LRIT3: variants seen among roughly 807,000 people sequenced by gnomAD.
LRIT3 encodes leucine rich repeat, Ig-like and transmembrane domains 3.
A neutral mutation model predicts 22.6 loss-of-function variants in LRIT3; 14 were observed. The observed-to-expected ratio is 0.62, with a 90% confidence interval of 0.41 to 0.97. LRIT3 has a LOEUF of 0.97. Ranked by LOEUF, LRIT3 falls within the 50% of genes least tolerant of loss-of-function variation. The pLI is 0.00. For synonymous variants in LRIT3, 306 were observed against 304.5 expected, an observed-to-expected ratio of 1.01 and a Z score of -0.05; for missense variants, 783 against 803.0, an observed-to-expected ratio of 0.98 and a Z score of 0.30.
At chr4:109,852,599 T>C (rs1734300385) in intron 2 of LRIT3, among the ~76,000 whole-genome samples, 1 of 152,164 alleles carries the variant, frequency 6.6e-6, no homozygotes, top group South Asian at 2.1e-4. Context: ...TCTCTGGTTC[T>C]TTTTATTATT....
rs777683076 is a variant in LRIT3 at position 109,870,689 on chromosome 4, ACAGGGATGACT to A, written c.1944_1954del (p.Asp649GlufsTer7). 6.2e-7 allele frequency: 1 copy of A among 1,614,154 alleles called. No individual in the cohort carries two copies. The highest frequency in any genetic ancestry group is 8.5e-7 in the Non-Finnish European group (1 of 1,179,998). Reference sequence around the variant, plus strand: ...GTAGGTGAGCTCTGGACACGAAGCCACAGGGATGACTCAGAGAAATTGCTGCTTTGTTCTAG... The same window carrying A: ...GTAGGTGAGCTCTGGACACGAAGCCACAGAGAAATTGCTGCTTTGTTCTAG... On this transcript the variant is annotated frameshift_variant, in exon 4 of 4. Coordinates refer to ENST00000594814, the MANE Select transcript of LRIT3 (RefSeq NM_198506.5). LOFTEE classifies it low-confidence loss of function (END_TRUNC).
At position 109,867,781 on chromosome 4, in the gene LRIT3, C is replaced by T. The variant is rs375217997; in HGVS notation, c.730C>T (p.Gln244Ter). The change falls in exon 3 of 4, where the codon CAG becomes TAG. Residue 244 changes from glutamine (Q) to a stop codon, truncating the protein, a stop_gained. Coordinates refer to ENST00000594814, the MANE Select transcript of LRIT3 (RefSeq NM_198506.5). LOFTEE classifies it high-confidence loss of function. ...EPERLTGILF[Q>*]RAELEHCLKP... Reference sequence around the variant, plus strand: ...TGAGCGCCTCACAGGAATTTTGTTTCAGCGGGCTGAATTGGAGCATTGTCT... The same window carrying T: ...TGAGCGCCTCACAGGAATTTTGTTTTAGCGGGCTGAATTGGAGCATTGTCT... 40 of 1,614,058 alleles carry T rather than the reference C, an allele frequency of 2.5e-5. No individual in the cohort carries two copies. Among genetic ancestry groups the T allele is most frequent in the Non-Finnish European group, 3.3e-5 (39 of 1,180,026 alleles).
intron 1 of LRIT3, among the ~76,000 whole-genome samples, chr4:109,850,163 G>A (rs1734173903): frequency 1.3e-5 from 2 of 151,916 alleles, no homozygotes; most frequent in African/African-American, 4.8e-5. Flanking sequence ...TTCACTAAAG[G>A]GTTATTTTAT....
rs112910172 is a variant in LRIT3, at chr4:109,851,413, G to A, written c.117-91G>A. On this transcript the variant is annotated intron_variant, in intron 1 of 3. Coordinates refer to ENST00000594814, the MANE Select transcript of LRIT3 (RefSeq NM_198506.5). The stretch of plus-strand genomic sequence containing the variant: ...TACAGGCGTGAGCCACTGCCCAGCT[G>A]AAAATTGATACATTTTTCAAATGAG... The A allele has an allele frequency of 3.0e-3, 4,328 of 1,454,796 alleles. 77 individuals are homozygous for A. The African/African-American group carries it at 0.047, about 16-fold the overall frequency. 90.1% of individuals were successfully genotyped at this position (1,454,796 alleles called of 1,614,324 possible). A position where few individuals can be genotyped will look rare whatever the true frequency, so the allele number is the denominator to read the frequency against.
At chr4:109,861,134 G>A (rs535212271) in intron 2 of LRIT3, among the ~76,000 whole-genome samples, 56 of 152,200 alleles carry the variant, frequency 3.7e-4, no homozygotes, top group African/African-American at 1.2e-3. Flanking sequence ...TTTGGGAGGC[G>A]AAGGCAGGCA....
chr4:109,858,588 A>G (rs1734460759), intron 2 of LRIT3, among the ~76,000 whole-genome samples: 1 of 152,122 alleles, frequency 6.6e-6, no homozygotes. Flanking sequence ...ATTAGATTGA[A>G]CATCTTTCCA....
Position 109,851,663 on chromosome 4 carries a change from C to T in LRIT3, c.276C>T (p.Ser92=), listed in dbSNP as rs772346460. Residue 92 remains serine (S), a synonymous_variant, in exon 2 of 4, where the codon TCC becomes TCT. Coordinates refer to ENST00000594814, the MANE Select transcript of LRIT3 (RefSeq NM_198506.5). ...AGTATCTCTGGGTGACTTACAATTC[C>T]GTGGCCAGCATTGACCCCAGCAGCT... ...ELQYLWVTYN[S]VASIDPSSFY... 28 of 1,551,558 alleles carry T rather than the reference C, an allele frequency of 1.8e-5. No homozygotes were observed. In the South Asian group the frequency reaches 1.9e-4, roughly 11 times the overall value.
intron 1 of LRIT3, chr4:109,851,253 A>G (rs1453233717): frequency 4.3e-6 from 2 of 462,516 alleles, no homozygotes; most frequent in Non-Finnish European, 7.7e-6. Context: ...TTAATCATCC[A>G]TAACAGTGCC....
At chr4:109,848,787 G>T (rs1003617677) in intron 1 of LRIT3, among the ~76,000 whole-genome samples, 7 of 152,188 alleles carry the variant, frequency 4.6e-5, no homozygotes, top group African/African-American at 1.7e-4. Flanking sequence ...TGAAGTTAGA[G>T]AGGTTAATAG....
At position 109,867,645 on chromosome 4, in the gene LRIT3, A is replaced by G. The variant is rs781306561; in HGVS notation, c.594A>G (p.Leu198=). The G allele has an allele frequency of 6.8e-6, 11 of 1,613,082 alleles. No individual in the cohort carries two copies. In the Admixed American group the frequency reaches 1.5e-4, roughly 22 times the overall value. The change falls in exon 3 of 4, where the codon CTA becomes CTG. Residue 198 remains leucine, a synonymous_variant. Coordinates refer to ENST00000594814, the MANE Select transcript of LRIT3 (RefSeq NM_198506.5). ...CTTTCCCACCTTCTGTTTTAGGTCTACAGGACAATCCTTGGTTCTGTGACT... is the reference window on the plus strand; with the variant it reads ...CTTTCCCACCTTCTGTTTTAGGTCTGCAGGACAATCCTTGGTTCTGTGACT... The part of the protein sequence containing the change: ...DLSPSRIILG[L]QDNPWFCDCH...
intron 2 of LRIT3, among the ~76,000 whole-genome samples, chr4:109,862,117 CTT>C: frequency 6.6e-6 from 1 of 152,320 alleles, no homozygotes; most frequent in African/African-American, 2.4e-5. Flanking sequence ...TAGGCATAGT[CTT>C]TGCCTTCAAG....
chr4:109,859,965 C>T (rs1451125260), intron 2 of LRIT3, among the ~76,000 whole-genome samples: 1 of 152,202 alleles, frequency 6.6e-6, no homozygotes, highest in Non-Finnish European at 1.5e-5. Flanking sequence ...ATTACTCTTT[C>T]TCTTCTACAG....
chr4:109,853,344 C>T (rs1023837157), intron 2 of LRIT3, among the ~76,000 whole-genome samples: 1 of 151,934 alleles, frequency 6.6e-6, no homozygotes, highest in Non-Finnish European at 1.5e-5. Flanking sequence ...TGATGATGAG[C>T]TTTTTTTTCA....
At chr4:109,867,507 G>T (rs1734711233) in intron 2 of LRIT3, 134 bp from the exon 3 acceptor site, 1 of 740,676 alleles carries the variant, frequency 1.4e-6, no homozygotes, top group Non-Finnish European at 2.2e-6. Context: ...CTGACATAAA[G>T]GTGACTCTGC....
chr4:109,869,192 T>C (rs1560595574), intron 3 of LRIT3, among the ~76,000 whole-genome samples: 1 of 152,176 alleles, frequency 6.6e-6, no homozygotes, highest in East Asian at 1.9e-4. Flanking sequence ...CATGAAAACA[T>C]ATAATAAGAA....
rs1399389910 is a variant in LRIT3 at position 109,867,759 on chromosome 4, G to T, written c.708G>T (p.Glu236Asp). 1.2e-6 allele frequency: 2 copies of T among 1,614,186 alleles called. No individual in the cohort carries two copies. The highest frequency in any genetic ancestry group is 3.3e-5 in the Admixed American group (2 of 60,024). The change falls in exon 3 of 4, where the codon GAG (glutamate) becomes GAT (aspartate). Residue 236 changes from glutamate (E) to aspartate (D), a missense_variant. By Grantham distance (45) the Glu-to-Asp change is conservative (BLOSUM62 2). Around this residue, in one of 2 missense-constraint regions of LRIT3, gnomAD observed 756 missense variants for 753.8 expected, o/e 1.00. Coordinates refer to ENST00000594814, the MANE Select transcript of LRIT3 (RefSeq NM_198506.5). The part of the protein sequence containing the change: ...LDPLMTCSEP[E>D]RLTGILFQRA... Reference sequence around the variant, plus strand: ...CACTGATGACTTGCAGTGAACCTGAGCGCCTCACAGGAATTTTGTTTCAGC... The same window carrying T: ...CACTGATGACTTGCAGTGAACCTGATCGCCTCACAGGAATTTTGTTTCAGC...
intron 3 of LRIT3, among the ~76,000 whole-genome samples, chr4:109,868,551 T>TA (rs11387409): frequency 0.17 from 21,156 of 121,438 alleles, 2,044 homozygotes; most frequent in Admixed American, 0.27. Context: ...AAGACTGTCT[T>TA]AAAAAAAAAA....
intron 2 of LRIT3, among the ~76,000 whole-genome samples, chr4:109,861,936 C>G (rs1336249476): frequency 6.6e-6 from 1 of 152,158 alleles, no homozygotes; most frequent in Non-Finnish European, 1.5e-5. Flanking sequence ...ATTCTTAGCT[C>G]TTAGGCTTAT....
intron 2 of LRIT3, among the ~76,000 whole-genome samples, chr4:109,858,360 A>G (rs2078040): frequency 0.2 from 30,161 of 151,932 alleles, 3,577 homozygotes; most frequent in Admixed American, 0.34. Flanking sequence ...GTTGTAAAGG[A>G]GTTAGCATGG....
Sources: gnomAD v4.1 joint callset for allele counts (sites outside exome capture counted in the v4.1 genomes callset) on GRCh38, gnomAD v4.1.1 for gene constraint, gnomAD v4.1.1 regional missense constraint, MANE v1.5 for transcripts, NCBI Gene and HGNC (gene_info 2026-07-23, HGNC 2026-07-21) for gene names.